The following BRINP1 variants were observed in gnomAD, a reference collection of about 807,000 sequenced individuals.
The protein encoded by BRINP1 is BMP/retinoic acid-inducible neural-specific protein 1.
Under a neutral mutation model 72.9 loss-of-function variants are expected in BRINP1, and 17 were observed. The observed-to-expected ratio is 0.23, with a 90% CI of 0.16 to 0.35. BRINP1 has a LOEUF of 0.35. BRINP1 is among the 10% of genes least tolerant of loss of function. BRINP1 has a pLI of 1.00. For synonymous variants in BRINP1, 418 were observed against 378.5 expected (o/e 1.10, Z -1.21); for missense variants, 850 against 1,001.6 (o/e 0.85, Z 2.04).
chr9:119,271,790 T>G (rs74948149), intron 2 of BRINP1, among the ~76,000 whole-genome samples: 1 of 150,190 alleles, frequency 6.7e-6, no homozygotes, highest in African/African-American at 2.5e-5. Context: ...TCTTTTTTCA[T>G]TTTTTTTTAA....
rs572190444 is a variant in BRINP1, at chr9:119,255,201, T to C, written c.219-6051A>G. Among the ~76,000 whole-genome samples the C allele has an allele frequency of 4.6e-5, 7 of 152,336 alleles. No homozygotes were observed. The East Asian group carries it at 1.4e-3, about 29-fold the overall frequency. On this transcript the variant is annotated intron_variant, in intron 2 of 7. Coordinates refer to ENST00000265922, the MANE Select transcript of BRINP1 (RefSeq NM_014618.3). ...AGTTCTCAGGGAATTGAGCACAACA[T>C]AAAATATATCTTTCCTTCTGAGTGC...
Position 119,238,702 on chromosome 9 carries a change from A to G in BRINP1, c.638T>C (p.Val213Ala). The G allele has an allele frequency of 1.2e-6, 2 of 1,612,438 alleles. No individual in the cohort carries two copies. Among genetic ancestry groups the G allele is most frequent in the East Asian group, 2.2e-5 (1 of 44,674 alleles). Residue 213 changes from valine (V) to alanine (A), a missense_variant, in exon 5 of 8, where the codon GTG (valine) becomes GCG (alanine). Physicochemically the swap from Val to Ala is moderately conservative, Grantham distance 64. Coordinates refer to ENST00000265922, the MANE Select transcript of BRINP1 (RefSeq NM_014618.3). ...CGTGCTTTGCAGAAGGACGGAACTC[A>G]CAGAGTCCAGATTGTCATAGCTGTT... Reference protein sequence around the residue: ...GCNSYDNLDSVSSVLLQSTES... With the variant: ...GCNSYDNLDSASSVLLQSTES...
chr9:119,321,076 G>T (rs994710390), intron 1 of BRINP1, among the ~76,000 whole-genome samples: 49 of 152,142 alleles, frequency 3.2e-4, no homozygotes, highest in African/African-American at 1.1e-3. Flanking sequence ...GACTACAGGC[G>T]CCTGCCACTG....
intron 7 of BRINP1, among the ~76,000 whole-genome samples, chr9:119,177,784 C>G (rs189868270): frequency 2.0e-5 from 3 of 152,246 alleles, no homozygotes; most frequent in East Asian, 1.9e-4. Context: ...CCAGCCCTGT[C>G]AGGCAGGAGG....
intron 2 of BRINP1, among the ~76,000 whole-genome samples, chr9:119,305,401 C>T (rs3824549): frequency 0.28 from 42,139 of 152,036 alleles, 6,962 homozygotes; most frequent in Non-Finnish European, 0.36. Flanking sequence ...TGGTTGAAAT[C>T]CATGTGCTAT....
chr9:119,260,494 T>TTA (rs1203537222), intron 2 of BRINP1, among the ~76,000 whole-genome samples: 1 of 152,174 alleles, frequency 6.6e-6, no homozygotes, highest in African/African-American at 2.4e-5. Context: ...GATCAAAGAT[T>TTA]TATATATTGT....
intron 5 of BRINP1, among the ~76,000 whole-genome samples, chr9:119,219,626 T>A (rs1830016811): frequency 6.8e-6 from 1 of 147,750 alleles, no homozygotes; most frequent in African/African-American, 2.5e-5. Context: ...CTCCCTCTTG[T>A]TGTAGGTCTT....
chr9:119,312,549 C>CT (rs1306304656), intron 2 of BRINP1, among the ~76,000 whole-genome samples: 2 of 152,188 alleles, frequency 1.3e-5, no homozygotes, highest in African/African-American at 2.4e-5. Context: ...TGGGCTAAGT[C>CT]TTTTTTTGGA....
intron 1 of BRINP1, among the ~76,000 whole-genome samples, chr9:119,345,514 T>TACC (rs1231346938): frequency 6.6e-6 from 1 of 152,208 alleles, no homozygotes; most frequent in Non-Finnish European, 1.5e-5. Flanking sequence ...ACCTCTTTGC[T>TACC]ACCCCATCTT....
At position 119,242,221 on chromosome 9, in the gene BRINP1, A is replaced by G; in HGVS notation, c.410-5T>C. ...ACATGGTCAAAGCCTCCTCCCCTGG[A>G]TGGGAAAGAAAAGTAGATAAGAAGG... On this transcript the variant is annotated splice_polypyrimidine_tract_variant and splice_region_variant and intron_variant, in intron 3 of 7. Coordinates refer to ENST00000265922, the MANE Select transcript of BRINP1 (RefSeq NM_014618.3). The G allele has an allele frequency of 1.2e-6, 2 of 1,613,436 alleles. No individual in the cohort carries two copies. Among genetic ancestry groups the G allele is most frequent in the Non-Finnish European group, 1.7e-6 (2 of 1,179,698 alleles).
chr9:119,210,528 A>G (rs1305169217), intron 6 of BRINP1, among the ~76,000 whole-genome samples: 1 of 152,202 alleles, frequency 6.6e-6, no homozygotes, highest in East Asian at 1.9e-4. Context: ...CCCAAGGTCA[A>G]ATGGCCAGTA....
In BRINP1 at chr9:119,200,586, T is replaced by A. The variant is rs1431637249; in HGVS notation, c.1145+8133A>T. Among the ~76,000 whole-genome samples the A allele has an allele frequency of 2.1e-5, 3 of 143,356 alleles. No individual in the cohort carries two copies. In the Admixed American group the frequency reaches 2.2e-4, roughly 10 times the overall value. 94.0% of individuals were successfully genotyped at this position (143,356 alleles called of 152,430 possible). A position where few individuals can be genotyped will look rare whatever the true frequency, so the allele number is the denominator to read the frequency against. On this transcript the variant is annotated intron_variant, in intron 7 of 7. Coordinates refer to ENST00000265922, the MANE Select transcript of BRINP1 (RefSeq NM_014618.3). ...CTACAGTGAGCTATGATCATACCAC[T>A]GCACTTCGGCCTGGGTGACAGGGCA...
At chr9:119,367,221 G>GTGATATATATATAT (rs1564259756) in intron 1 of BRINP1, among the ~76,000 whole-genome samples, 1,232 of 99,768 alleles carry the variant, frequency 0.012, 33 homozygotes, top group Middle Eastern at 0.033. Context: ...GTGTGTGATT[G>GTGATATATATATAT]ATATATATAT....
At chr9:119,324,881 C>T (rs1199750637) in intron 1 of BRINP1, among the ~76,000 whole-genome samples, 1 of 152,120 alleles carries the variant, frequency 6.6e-6, no homozygotes, top group Non-Finnish European at 1.5e-5. Flanking sequence ...GGGCAGATCA[C>T]CTGAGGTTGG....
chr9:119,338,946 G>T (rs1359062622), intron 1 of BRINP1, among the ~76,000 whole-genome samples: 1 of 151,732 alleles, frequency 6.6e-6, no homozygotes, highest in Non-Finnish European at 1.5e-5. Context: ...GAGAAAGAAG[G>T]AAGGAAGAAA....
intron 5 of BRINP1, among the ~76,000 whole-genome samples, chr9:119,225,371 C>A (rs1238514139): frequency 1.3e-5 from 2 of 151,900 alleles, no homozygotes; most frequent in African/African-American, 2.4e-5. Context: ...CACCCTCCCA[C>A]CACCCTCTGA....
At chr9:119,290,640 T>C (rs1830811908) in intron 2 of BRINP1, among the ~76,000 whole-genome samples, 1 of 152,088 alleles carries the variant, frequency 6.6e-6, no homozygotes, top group African/African-American at 2.4e-5. Flanking sequence ...TGTTGGAATG[T>C]AGGTGATAAT....
chr9:119,303,634 T>G (rs1830964078), intron 2 of BRINP1, among the ~76,000 whole-genome samples: 1 of 152,130 alleles, frequency 6.6e-6, no homozygotes, highest in South Asian at 2.1e-4. Flanking sequence ...TCTCTGGCGC[T>G]CTTTCTTTAG....
chr9:119,260,173 A>C (rs1422205849), intron 2 of BRINP1, among the ~76,000 whole-genome samples: 1 of 152,250 alleles, frequency 6.6e-6, no homozygotes, highest in Non-Finnish European at 1.5e-5. Context: ...TTACTTAACC[A>C]AAATGCACTA....
Sources: gnomAD v4.1 joint callset for allele counts (sites outside exome capture counted in the v4.1 genomes callset) on GRCh38, gnomAD v4.1.1 for gene constraint, MANE v1.5 for transcripts, NCBI Gene and HGNC (gene_info 2026-07-23, HGNC 2026-07-21) for gene names.